Variants in BRCA2 observed in about 807,000 individuals in gnomAD.
BRCA2 encodes the protein breast cancer type 2 susceptibility protein.
BRCA2 carries 203 observed loss-of-function variants against 276.7 expected under a neutral mutation model. The ratio of observed to expected loss-of-function variants is 0.73; its 90% CI spans 0.65 to 0.82. BRCA2 has a LOEUF of 0.82. Among genes scored for constraint, BRCA2 ranks in the 40% least tolerant of loss-of-function variants. BRCA2 has a pLI of 0.00. For synonymous variants in BRCA2, 1,289 were observed against 1,338.4 expected, an observed-to-expected ratio of 0.96 and a Z score of 0.81; for missense variants, 3,920 against 3,915.0, an observed-to-expected ratio of 1.00 and a Z score of -0.03.
In BRCA2 at chr13:32,327,293, A is replaced by C. The variant is rs79990454; in HGVS notation, c.631+680A>C. 0.041 allele frequency among the ~76,000 whole-genome samples: 6,241 copies of C among 152,154 alleles called. 218 individuals carry two copies. Among genetic ancestry groups the C allele is most frequent in the South Asian group, 0.11 (551 of 4,826 alleles). On this transcript the variant is annotated intron_variant, in intron 7 of 26. Coordinates refer to ENST00000380152, the MANE Select transcript of BRCA2 (RefSeq NM_000059.4). ...TGAAACCCTGTCTCTACTAAAAATA[A>C]AAAAATTGGCCAGGTGTGGTAACAC...
At chr13:32,342,270 CAAAA>C (rs58295304) in intron 11 of BRCA2, among the ~76,000 whole-genome samples, 17 of 133,608 alleles carry the variant, frequency 1.3e-4, no homozygotes, top group Non-Finnish European at 1.1e-4. Flanking sequence ...GAGACTGTCT[CAAAA>C]AAAAAAAAAA....
rs81002826 is a variant in BRCA2 at position 32,356,594 on chromosome 13, G to C, written c.7602G>C (p.Ala2534=). 3.7e-6 allele frequency: 6 copies of C among 1,614,114 alleles called. No individual in the cohort carries two copies. The highest frequency in any genetic ancestry group is 5.1e-6 in the Non-Finnish European group (6 of 1,180,008). ...KAAVGGQVPS[A]CSHKQLYTYG... ...CAGTAGGAGGCCAAGTTCCCTCTGC[G>C]TGTTCTCATAAACAGGTATGTGTTT... Residue 2534 remains alanine (A), a synonymous_variant, in exon 15 of 27, where the codon GCG becomes GCC. Transcript: ENST00000380152.
chr13:32,394,956 CCA>C, intron 25 of BRCA2, 23 bp downstream of exon 25: 1 of 1,613,422 alleles, frequency 6.2e-7, no homozygotes, highest in Non-Finnish European at 8.5e-7. Context: ...TTCAGCATCA[CCA>C]CACATTTTGG....
chr13:32,340,351 T>C lies in BRCA2; in HGVS notation c.5996T>C (p.Val1999Ala). 6.2e-7 allele frequency: 1 copy of C among 1,613,986 alleles called. No individual in the cohort carries two copies. Among genetic ancestry groups the C allele is most frequent in the Non-Finnish European group, 8.5e-7 (1 of 1,179,928 alleles). The change falls in exon 11 of 27, where the codon GTG becomes GCG. Residue 1999 changes from valine to alanine, a missense_variant. Transcript: ENST00000380152. The part of the protein sequence containing the change: ...SDASLQNARQ[V>A]FSEIEDSTKQ... ...GCTTCATTACAAAACGCAAGACAAG[T>C]GTTTTCTGAAATAGAAGATAGTACC...
In BRCA2 at chr13:32,344,536, T is replaced by A. The variant is rs779204716; in HGVS notation, c.6842-22T>A. 4 of 1,426,324 alleles carry A rather than the reference T, an allele frequency of 2.8e-6. No homozygotes were observed. Among genetic ancestry groups the A allele is most frequent in the Non-Finnish European group, 3.9e-6 (4 of 1,017,286 alleles). The allele number at this position is 1,426,324 out of a possible 1,614,324, so 88.4% of individuals were successfully genotyped here. A position where few individuals can be genotyped will look rare whatever the true frequency, so the allele number is the denominator to read the frequency against. On this transcript the variant is annotated intron_variant, in intron 11 of 26. Transcript: ENST00000380152. ...ACTGATATTATTTGCCTTAAAAACA[T>A]ATATGAAATATTTCTTTTTAGGAGA...
chr13:32,326,753 T>C (rs2072352936), intron 7 of BRCA2, 140 bp downstream of exon 7: 1 of 661,386 alleles, frequency 1.5e-6, no homozygotes, highest in Non-Finnish European at 2.6e-6. Context: ...CTGACAATAA[T>C]TTTATTCTAT....
intron 24 of BRCA2, among the ~76,000 whole-genome samples, chr13:32,393,197 A>G (rs1013773291): frequency 5.3e-5 from 8 of 152,104 alleles, no homozygotes. Flanking sequence ...GTTAATAAAT[A>G]TCTTGAGGGA....
intron 2 of BRCA2, among the ~76,000 whole-genome samples, chr13:32,318,113 G>C (rs917721200): frequency 2.0e-5 from 3 of 152,182 alleles, no homozygotes; most frequent in Non-Finnish European, 4.4e-5. Context: ...CAGTGGTAAG[G>C]AATATAATGG....
At chr13:32,394,540 C>T in intron 24 of BRCA2, 149 bp from the exon 25 acceptor site, 2 of 1,008,654 alleles carry the variant, frequency 2.0e-6, no homozygotes, top group Non-Finnish European at 1.4e-6. Context: ...TTTGGAAAAC[C>T]TGAGCTTTCG....
Position 32,379,422 on chromosome 13 carries a change from T to C in BRCA2, c.8860T>C (p.Ser2954Pro), listed in dbSNP as rs886041145. The C allele has an allele frequency of 6.2e-7, 1 of 1,613,830 alleles. No homozygotes were observed. The highest frequency in any genetic ancestry group is 8.5e-7 in the Non-Finnish European group (1 of 1,179,876). The part of the protein sequence containing the change: ...IQLEIRKAME[S>P]AEQKEQGLSR... ...GTTGGAAATTAGGAAGGCCATGGAA[T>C]CTGCTGAACAAAAGGAACAAGGTTT... The change falls in exon 22 of 27, where the codon TCT (serine) becomes CCT (proline). Residue 2954 changes from serine (S) to proline (P), a missense_variant. Coordinates refer to ENST00000380152, the MANE Select transcript of BRCA2 (RefSeq NM_000059.4).
In BRCA2 at chr13:32,337,160, T is replaced by C. The variant is rs749138071; in HGVS notation, c.2805T>C (p.Asp935=). The change falls in exon 11 of 27, where the codon GAT becomes GAC. Residue 935 remains aspartate (D), a synonymous_variant. Transcript: ENST00000380152. The part of the protein sequence containing the change: ...STMVLYGDTG[D]KQATQVSIKK... ...TGGTTTTATATGGAGACACAGGTGATAAACAAGCAACCCAAGTGTCAATTA... is the reference window on the plus strand; with the variant it reads ...TGGTTTTATATGGAGACACAGGTGACAAACAAGCAACCCAAGTGTCAATTA... 6.2e-7 allele frequency: 1 copy of C among 1,613,886 alleles called. No individual in the cohort carries two copies. The highest frequency in any genetic ancestry group is 1.7e-5 in the Admixed American group (1 of 59,998).
At chr13:32,384,531 A>G (rs1016726691) in intron 24 of BRCA2, 9 of 154,788 alleles carry the variant, frequency 5.8e-5, no homozygotes, top group Middle Eastern at 1.0e-3. Flanking sequence ...TGTGCTTGTT[A>G]TGGGGACTGA....
At chr13:32,343,346 A>G (rs1357052851) in intron 11 of BRCA2, among the ~76,000 whole-genome samples, 1 of 152,154 alleles carries the variant, frequency 6.6e-6, no homozygotes, top group Non-Finnish European at 1.5e-5. Context: ...TCCTTTTTAA[A>G]AAACCTATAA....
chr13:32,367,323 C>T (rs1369552865), intron 18 of BRCA2, among the ~76,000 whole-genome samples: 2 of 151,748 alleles, frequency 1.3e-5, no homozygotes, highest in South Asian at 2.1e-4. Flanking sequence ...GTAATCCCAG[C>T]TATTTGGGAG....
At chr13:32,393,786 T>G (rs1350095670) in intron 24 of BRCA2, among the ~76,000 whole-genome samples, 1 of 152,174 alleles carries the variant, frequency 6.6e-6, no homozygotes, top group Non-Finnish European at 1.5e-5. Context: ...GATTCCCTCA[T>G]GTCTAGTTGG....
At chr13:32,346,186 T>C (rs945340871) in intron 12 of BRCA2, among the ~76,000 whole-genome samples, 2 of 151,958 alleles carry the variant, frequency 1.3e-5, no homozygotes, top group Non-Finnish European at 2.9e-5. Context: ...TTTTTAGTGT[T>C]TTTTTTTCAG....
intron 24 of BRCA2, among the ~76,000 whole-genome samples, chr13:32,392,607 A>T (rs1338305622): frequency 7.1e-6 from 1 of 141,584 alleles, no homozygotes; most frequent in East Asian, 2.1e-4. Flanking sequence ...AAAAAAAAAA[A>T]TTATAACTCT....
rs80358446 is a variant in BRCA2, at chr13:32,333,105, C to T, written c.1627C>T (p.His543Tyr). 1 of 1,613,860 alleles carries T rather than the reference C, an allele frequency of 6.2e-7. No individual in the cohort carries two copies. Among genetic ancestry groups the T allele is most frequent in the Admixed American group, 1.7e-5 (1 of 59,982 alleles). Residue 543 changes from histidine (H) to tyrosine (Y), a missense_variant, in exon 10 of 27, where the codon CAT becomes TAT. Physicochemically the swap from His to Tyr is moderately conservative, Grantham distance 83. Coordinates refer to ENST00000380152, the MANE Select transcript of BRCA2 (RefSeq NM_000059.4). ...TEASESGLEI[H>Y]TVCSQKEDSL... ...AGCCTCTGAAAGTGGACTGGAAATA[C>T]ATACTGTTTGCTCACAGAAGGAGGA...
At chr13:32,327,514 G>GA (rs1158303729) in intron 7 of BRCA2, among the ~76,000 whole-genome samples, 2 of 151,530 alleles carry the variant, frequency 1.3e-5, no homozygotes, top group Non-Finnish European at 2.9e-5. Context: ...TATTAAAATA[G>GA]AAAAAATTAG....
Sources: allele counts gnomAD v4.1 joint callset (sites outside exome capture counted in the v4.1 genomes callset), GRCh38; gene constraint gnomAD v4.1.1; transcripts MANE v1.5; gene names NCBI Gene and HGNC (gene_info 2026-07-23, HGNC 2026-07-21).